Variants in ARHGAP24 observed in about 807,000 individuals in gnomAD.
ARHGAP24 encodes the protein Rho GTPase activating protein 24.
Under a neutral mutation model 76.4 loss-of-function variants are expected in ARHGAP24, and 50 were observed. That is an observed-to-expected ratio of 0.65 (90% CI 0.52 to 0.83). The LOEUF (loss-of-function observed/expected upper bound fraction) is 0.83, where lower values mean the gene tolerates loss of function less well. Ranked by LOEUF, ARHGAP24 falls within the 40% of genes least tolerant of loss-of-function variation. The pLI, the probability that ARHGAP24 is intolerant of heterozygous loss-of-function variation, is 0.00. For missense variants in ARHGAP24, 930 were observed against 914.2 expected (o/e 1.02, Z -0.22); for synonymous variants, 345 against 323.3 (o/e 1.07, Z -0.72).
intron 3 of ARHGAP24, among the ~76,000 whole-genome samples, chr4:85,857,297 C>A: frequency 6.6e-6 from 1 of 152,190 alleles, no homozygotes; most frequent in Non-Finnish European, 1.5e-5. Context: ...TTTATTTACA[C>A]TTTACAAACT....
chr4:85,797,266 G>A (rs1171513130), intron 3 of ARHGAP24, among the ~76,000 whole-genome samples: 10 of 151,726 alleles, frequency 6.6e-5, no homozygotes, highest in East Asian at 1.9e-4. Flanking sequence ...TCCGCCTCCC[G>A]GGTTCACGCC....
At chr4:85,883,789 A>T (rs201034883) in intron 3 of ARHGAP24, among the ~76,000 whole-genome samples, 2 of 152,204 alleles carry the variant, frequency 1.3e-5, no homozygotes, top group South Asian at 2.1e-4. Context: ...ATGAAGCCAT[A>T]CAAACTTTAT....
intron 8 of ARHGAP24, among the ~76,000 whole-genome samples, chr4:85,992,657 T>C (rs569994931): frequency 6.6e-6 from 1 of 152,304 alleles, no homozygotes; most frequent in African/African-American, 2.4e-5. Flanking sequence ...ACACAATGTC[T>C]TCAAACACAG....
intron 3 of ARHGAP24, among the ~76,000 whole-genome samples, chr4:85,809,188 A>G (rs933321698): frequency 6.6e-6 from 1 of 152,212 alleles, no homozygotes; most frequent in Non-Finnish European, 1.5e-5. Context: ...AGTCATCACT[A>G]TAAACATTGA....
At chr4:85,669,174 C>CTTA (rs1722737826) in intron 2 of ARHGAP24, among the ~76,000 whole-genome samples, 1 of 152,076 alleles carries the variant, frequency 6.6e-6, no homozygotes, top group South Asian at 2.1e-4. Flanking sequence ...CAAAATTCAC[C>CTTA]TTTTATACTG....
intron 3 of ARHGAP24, among the ~76,000 whole-genome samples, chr4:85,824,521 G>A (rs1729620958): frequency 6.6e-6 from 1 of 152,128 alleles, no homozygotes; most frequent in African/African-American, 2.4e-5. Context: ...TATCATTACT[G>A]GGCAAGGTAG....
chr4:85,668,331 A>C (rs565915601), intron 2 of ARHGAP24, among the ~76,000 whole-genome samples: 1 of 152,232 alleles, frequency 6.6e-6, no homozygotes, highest in Non-Finnish European at 1.5e-5. Context: ...TCCTTCATCT[A>C]TCTATTCAAC....
intron 1 of ARHGAP24, among the ~76,000 whole-genome samples, chr4:85,522,813 G>T (rs78536996): frequency 0.033 from 5,026 of 152,234 alleles, 147 homozygotes; most frequent in Non-Finnish European, 0.049. Flanking sequence ...TTATCCGCAT[G>T]ATGTAAAGTA....
chr4:85,946,074 A>G (rs896218102), intron 5 of ARHGAP24, among the ~76,000 whole-genome samples: 7 of 152,166 alleles, frequency 4.6e-5, no homozygotes, highest in African/African-American at 1.7e-4. Flanking sequence ...GAGCTTATGC[A>G]GGGAAAACTC....
intron 5 of ARHGAP24, among the ~76,000 whole-genome samples, chr4:85,949,716 A>C (rs577949157): frequency 1.3e-5 from 2 of 152,300 alleles, no homozygotes; most frequent in East Asian, 1.9e-4. Flanking sequence ...AAATCACAAG[A>C]CCAATTCAGC....
intron 1 of ARHGAP24, among the ~76,000 whole-genome samples, chr4:85,480,192 G>T (rs1030517427): frequency 6.6e-5 from 10 of 152,072 alleles, no homozygotes; most frequent in Admixed American, 6.6e-4. Context: ...GAGCTGAAAA[G>T]GAAAGAAATA....
At chr4:85,868,178 A>G (rs1026899364) in intron 3 of ARHGAP24, among the ~76,000 whole-genome samples, 19 of 152,130 alleles carry the variant, frequency 1.2e-4, no homozygotes, top group Non-Finnish European at 2.5e-4. Flanking sequence ...ACGTGGATTC[A>G]TAGATTTTCT....
At chr4:85,820,304 A>G (rs1729415159) in intron 3 of ARHGAP24, among the ~76,000 whole-genome samples, 1 of 152,228 alleles carries the variant, frequency 6.6e-6, no homozygotes, top group East Asian at 1.9e-4. Flanking sequence ...CTATGCAGTC[A>G]TGAAAAAGAG....
At chr4:85,727,210 A>G (rs1725199805) in intron 3 of ARHGAP24, among the ~76,000 whole-genome samples, 1 of 151,802 alleles carries the variant, frequency 6.6e-6, no homozygotes, top group African/African-American at 2.4e-5. Context: ...ACAGAGTGAG[A>G]CTCCATCTCA....
intron 5 of ARHGAP24, among the ~76,000 whole-genome samples, chr4:85,971,206 G>C (rs1017442915): frequency 6.6e-6 from 1 of 152,098 alleles, no homozygotes; most frequent in South Asian, 2.1e-4. Flanking sequence ...GCTAAGCTTC[G>C]AGTATCTATA....
intron 3 of ARHGAP24, among the ~76,000 whole-genome samples, chr4:85,857,607 G>A (rs565834492): frequency 1.2e-4 from 19 of 152,140 alleles, no homozygotes; most frequent in Admixed American, 7.9e-4. Flanking sequence ...TTCCTACTAT[G>A]TGAGGGTAAG....
rs556719623 is a variant in ARHGAP24, at chr4:85,951,384, C to T, written c.599+9111C>T. 3.3e-5 allele frequency among the ~76,000 whole-genome samples: 5 copies of T among 152,174 alleles called. No individual in the cohort carries two copies. In the South Asian group the frequency reaches 1.0e-3, roughly 32 times the overall value. The stretch of plus-strand genomic sequence containing the variant: ...AGTTAATTGGCTGTTTGATCTTTCA[C>T]ATGGTCAAGGCCTAGCTCAACTTTA... On this transcript the variant is annotated intron_variant, in intron 5 of 9. Coordinates refer to ENST00000395184, the MANE Select transcript of ARHGAP24 (RefSeq NM_001025616.3).
At chr4:85,868,078 G>T (rs138941701) in intron 3 of ARHGAP24, among the ~76,000 whole-genome samples, 1 of 151,938 alleles carries the variant, frequency 6.6e-6, no homozygotes, top group African/African-American at 2.4e-5. Context: ...ACACTTTAGG[G>T]AGACAAAATA....
At chr4:85,578,326 G>A (rs1373323567) in intron 2 of ARHGAP24, among the ~76,000 whole-genome samples, 3 of 152,194 alleles carry the variant, frequency 2.0e-5, no homozygotes, top group Non-Finnish European at 1.5e-5. Context: ...GACTGTAGGA[G>A]GAAGAGCTAA....
Sources: allele counts gnomAD v4.1 joint callset (sites outside exome capture counted in the v4.1 genomes callset), GRCh38; gene constraint gnomAD v4.1.1; transcripts MANE v1.5; gene names NCBI Gene and HGNC (gene_info 2026-07-23, HGNC 2026-07-21).